The following SPAG16 variants were observed in gnomAD, a reference collection of about 807,000 sequenced individuals.
SPAG16 encodes the protein sperm associated antigen 16, also known as sperm-associated antigen 16 protein.
A neutral mutation model predicts 80.4 loss-of-function variants in SPAG16; 86 were observed. The observed-to-expected ratio is 1.07, with a 90% CI of 0.90 to 1.28. SPAG16 has a LOEUF of 1.28. Among genes scored for constraint, SPAG16 ranks in the 50% most tolerant of loss-of-function variants. The probability of loss-of-function intolerance (pLI) is 0.00; values close to 1 mark genes in which losing one functional copy is unlikely to be tolerated. For synonymous variants in SPAG16, 294 were observed against 265.9 expected (o/e 1.11, Z -1.03); for missense variants, 870 against 765.3 (o/e 1.14, Z -1.61).
chr2:213,403,668 A>C (rs1445675583), intron 9 of SPAG16, among the ~76,000 whole-genome samples: 1 of 152,236 alleles, frequency 6.6e-6, no homozygotes, highest in Non-Finnish European at 1.5e-5. Flanking sequence ...GCCCCCTCTC[A>C]TCATTCCTAT....
intron 11 of SPAG16, among the ~76,000 whole-genome samples, chr2:213,906,848 A>G (rs539763846): frequency 3.8e-4 from 58 of 152,320 alleles, no homozygotes; most frequent in Middle Eastern, 3.4e-3. Context: ...CTCACCACAT[A>G]TAAAAATCAA....
intron 10 of SPAG16, among the ~76,000 whole-genome samples, chr2:213,842,630 T>C (rs2074416804): frequency 6.6e-6 from 1 of 152,216 alleles, no homozygotes; most frequent in African/African-American, 2.4e-5. Flanking sequence ...ATCAGTGCAT[T>C]GAAAAATGAA....
At chr2:213,777,302 A>G (rs1390077405) in intron 10 of SPAG16, among the ~76,000 whole-genome samples, 1 of 122,404 alleles carries the variant, frequency 8.2e-6, no homozygotes, top group African/African-American at 3.2e-5. Context: ...GCTGGAGTGC[A>G]GTGGTGCAAT....
chr2:213,838,520 G>A (rs1299195921), intron 10 of SPAG16, among the ~76,000 whole-genome samples: 1 of 152,166 alleles, frequency 6.6e-6, no homozygotes, highest in African/African-American at 2.4e-5. Context: ...CAAAATTGTA[G>A]CCTATACCTC....
chr2:213,485,290 A>C (rs2073930064), intron 9 of SPAG16, among the ~76,000 whole-genome samples: 1 of 152,106 alleles, frequency 6.6e-6, no homozygotes, highest in Non-Finnish European at 1.5e-5. Flanking sequence ...CACTGCACCC[A>C]GACAATATTT....
chr2:213,564,590 C>T lies in SPAG16; in HGVS notation c.1070+74500C>T, dbSNP rs539346939. 3.5e-3 allele frequency among the ~76,000 whole-genome samples: 538 copies of T among 151,614 alleles called. 5 individuals are homozygous for T. The highest frequency in any genetic ancestry group is 5.0e-3 in the Non-Finnish European group (339 of 67,914). On this transcript the variant is annotated intron_variant, in intron 10 of 15. Coordinates refer to ENST00000331683, the MANE Select transcript of SPAG16 (RefSeq NM_024532.5). ...GGGTGAAATATTTTAAATGAAATTA[C>T]TTGTAAATTACTGTGGTGACAACTT...
At chr2:213,316,455 CCTTTAAA>C (rs2063404558) in intron 4 of SPAG16, among the ~76,000 whole-genome samples, 2 of 152,016 alleles carry the variant, frequency 1.3e-5, no homozygotes, top group African/African-American at 4.8e-5. Flanking sequence ...TAGACTAATC[CCTTTAAA>C]ACATAAATCT....
At chr2:214,271,525 G>T (rs552733470) in intron 15 of SPAG16, among the ~76,000 whole-genome samples, 17 of 152,180 alleles carry the variant, frequency 1.1e-4, no homozygotes, top group African/African-American at 3.1e-4. Flanking sequence ...AACTGGCCAC[G>T]TGTGGTGGCT....
chr2:213,958,182 T>C (rs751986645), intron 12 of SPAG16, among the ~76,000 whole-genome samples: 3 of 152,130 alleles, frequency 2.0e-5, no homozygotes, highest in Non-Finnish European at 2.9e-5. Flanking sequence ...CCCAGTTTGG[T>C]TTCCTGCAGG....
chr2:214,385,797 T>C (rs1456489154), intron 15 of SPAG16, among the ~76,000 whole-genome samples: 5 of 152,010 alleles, frequency 3.3e-5, no homozygotes, highest in African/African-American at 9.7e-5. Flanking sequence ...TGAGCTGAGA[T>C]TGCACCACTG....
intron 3 of SPAG16, among the ~76,000 whole-genome samples, chr2:213,302,205 C>A (rs1347484422): frequency 1.3e-5 from 2 of 152,060 alleles, no homozygotes; most frequent in Non-Finnish European, 2.9e-5. Flanking sequence ...CAAAGTGAGA[C>A]CATGTTTCGC....
intron 11 of SPAG16, among the ~76,000 whole-genome samples, chr2:213,913,472 G>A (rs1007160260): frequency 1.3e-5 from 2 of 148,826 alleles, no homozygotes; most frequent in African/African-American, 5.0e-5. Flanking sequence ...ATAATAGAAC[G>A]AATATGTGTG....
chr2:213,440,065 C>G (rs2070848932), intron 9 of SPAG16, among the ~76,000 whole-genome samples: 1 of 152,104 alleles, frequency 6.6e-6, no homozygotes, highest in Admixed American at 6.5e-5. Flanking sequence ...TTTTGCTAGG[C>G]TAATCCATAT....
At chr2:214,310,210 T>C (rs1293679543) in intron 15 of SPAG16, among the ~76,000 whole-genome samples, 1 of 149,846 alleles carries the variant, frequency 6.7e-6, no homozygotes, top group African/African-American at 2.5e-5. Flanking sequence ...GGACTTTATA[T>C]TTATTTTTTC....
chr2:213,299,127 CTA>C (rs2062620683), intron 3 of SPAG16, among the ~76,000 whole-genome samples: 2 of 152,042 alleles, frequency 1.3e-5, no homozygotes, highest in African/African-American at 4.8e-5. Flanking sequence ...ACAGTAATCT[CTA>C]TGCACAGAAC....
chr2:214,038,870 A>C (rs1575927449), intron 13 of SPAG16, among the ~76,000 whole-genome samples: 1 of 152,254 alleles, frequency 6.6e-6, no homozygotes, highest in East Asian at 1.9e-4. Context: ...AAGGACATGA[A>C]ATCATTATTT....
intron 13 of SPAG16, among the ~76,000 whole-genome samples, chr2:214,067,713 G>A (rs921826150): frequency 6.6e-6 from 1 of 151,744 alleles, no homozygotes; most frequent in African/African-American, 2.4e-5. Flanking sequence ...ATACATCCGG[G>A]TCTTTTCAAG....
At chr2:213,388,094 A>C (rs1405901682) in intron 9 of SPAG16, among the ~76,000 whole-genome samples, 4 of 152,064 alleles carry the variant, frequency 2.6e-5, no homozygotes, top group Non-Finnish European at 4.4e-5. Context: ...GTCAATTTCA[A>C]CTCTTAGTAT....
Position 214,281,797 on chromosome 2 carries a change from A to G in SPAG16, c.1721-128343A>G, listed in dbSNP as rs191049057. On this transcript the variant is annotated intron_variant, in intron 15 of 15. Transcript: ENST00000331683. ...AAAACTAGAAATAACTCAAATGACC[A>G]TCATCCAAATTGTAGTATGTCCATA... Among the ~76,000 whole-genome samples, 274 of 152,350 alleles carry G rather than the reference A, an allele frequency of 1.8e-3. 1 individual carries two copies. Among genetic ancestry groups the G allele is most frequent in the Middle Eastern group, 3.4e-3 (1 of 294 alleles).
Sources: allele counts gnomAD v4.1 joint callset (sites outside exome capture counted in the v4.1 genomes callset), GRCh38; gene constraint gnomAD v4.1.1; transcripts MANE v1.5; gene names NCBI Gene and HGNC (gene_info 2026-07-23, HGNC 2026-07-21).